The following TNN variants were observed in gnomAD, a reference collection of about 807,000 sequenced individuals.
The protein encoded by TNN is tenascin N, also known as tenascin-N.
In TNN, 122 loss-of-function variants were observed where a neutral mutation model predicts 134.4. The observed-to-expected ratio is 0.91, with a 90% CI of 0.78 to 1.06. The LOEUF (loss-of-function observed/expected upper bound fraction) is 1.06, where lower values mean the gene tolerates loss of function less well. TNN is among the 50% of genes least tolerant of loss of function. TNN has a pLI of 0.00. For missense variants in TNN, 1,739 were observed against 1,699.4 expected, an observed-to-expected ratio of 1.02 and a Z score of -0.41; for synonymous variants, 710 against 670.3, an observed-to-expected ratio of 1.06 and a Z score of -0.91.
At chr1:175,122,811 C>T (rs1366809496) in intron 11 of TNN, among the ~76,000 whole-genome samples, 1 of 152,156 alleles carries the variant, frequency 6.6e-6, no homozygotes, top group Non-Finnish European at 1.5e-5. Flanking sequence ...GATTCTAGAC[C>T]TTGCTTGTCT....
At position 175,083,852 on chromosome 1, in the gene TNN, G is replaced by T. The variant is rs766664939; in HGVS notation, c.1151G>T (p.Arg384Leu). 1 of 1,614,216 alleles carries T rather than the reference G, an allele frequency of 6.2e-7. No individual in the cohort carries two copies. The highest frequency in any genetic ancestry group is 8.5e-7 in the Non-Finnish European group (1 of 1,180,030). The change falls in exon 5 of 19, where the codon CGA becomes CTA. Residue 384 changes from arginine to leucine, a missense_variant. Physicochemically the swap from Arg to Leu is moderately radical, Grantham distance 102. Transcript: ENST00000239462. Reference sequence around the variant, plus strand: ...ACTGAGGTGGACTACTACAAGCTGCGATATGGCCCCATGACAGGACAGGAG... The same window carrying T: ...ACTGAGGTGGACTACTACAAGCTGCTATATGGCCCCATGACAGGACAGGAG... Reference protein sequence around the residue: ...PSTEVDYYKLRYGPMTGQEVA... With the variant: ...PSTEVDYYKLLYGPMTGQEVA...
At chr1:175,130,387 G>T (rs766246480) in intron 15 of TNN, among the ~76,000 whole-genome samples, 1 of 152,170 alleles carries the variant, frequency 6.6e-6, no homozygotes, top group Non-Finnish European at 1.5e-5. Context: ...GGAAATTCCC[G>T]ATTGATTTAT....
At chr1:175,125,693 T>C (rs1675494326) in intron 12 of TNN, among the ~76,000 whole-genome samples, 1 of 66,768 alleles carries the variant, frequency 1.5e-5, no homozygotes, top group Non-Finnish European at 3.2e-5. Context: ...TTTCTTTCTC[T>C]CTTTTTTCTC....
chr1:175,119,050 C>T (rs950740872), intron 11 of TNN, among the ~76,000 whole-genome samples: 2 of 152,306 alleles, frequency 1.3e-5, no homozygotes, highest in Middle Eastern at 3.4e-3. Context: ...AAAGGCGTCC[C>T]GATCCAGACC....
At chr1:175,078,335 G>C (rs1674104244) in intron 2 of TNN, among the ~76,000 whole-genome samples, 1 of 152,140 alleles carries the variant, frequency 6.6e-6, no homozygotes, top group Non-Finnish European at 1.5e-5. Context: ...CTGGCCCTTA[G>C]AGGAATTTAC....
chr1:175,123,333 T>G, intron 11 of TNN, 67 bp from the exon 12 acceptor site: 1 of 1,534,706 alleles, frequency 6.5e-7, no homozygotes, highest in Admixed American at 1.9e-5. Flanking sequence ...CTCCTGGTGA[T>G]GAGGTGGTAA....
intron 9 of TNN, among the ~76,000 whole-genome samples, chr1:175,100,206 G>T (rs1212652818): frequency 2.0e-5 from 3 of 152,202 alleles, no homozygotes; most frequent in Non-Finnish European, 2.9e-5. Context: ...CTATCTTGGG[G>T]TGGATAATTC....
intron 9 of TNN, among the ~76,000 whole-genome samples, chr1:175,104,398 G>A (rs1350938828): frequency 6.9e-6 from 1 of 145,810 alleles, no homozygotes; most frequent in African/African-American, 2.5e-5. Flanking sequence ...TTCATCCTCT[G>A]GGGCAGTGCA....
intron 1 of TNN, among the ~76,000 whole-genome samples, chr1:175,076,358 T>A (rs1309172558): frequency 2.0e-5 from 3 of 152,174 alleles, no homozygotes; most frequent in Admixed American, 6.5e-5. Context: ...TCCGCATGTG[T>A]GACAGTGCTC....
intron 15 of TNN, among the ~76,000 whole-genome samples, chr1:175,132,339 C>T (rs892590378): frequency 2.0e-5 from 3 of 152,156 alleles, no homozygotes; most frequent in Admixed American, 1.3e-4. Flanking sequence ...TCTGGATACT[C>T]GCTTTTCTGG....
At chr1:175,110,050 A>C (rs1403083322) in intron 9 of TNN, among the ~76,000 whole-genome samples, 1 of 152,142 alleles carries the variant, frequency 6.6e-6, no homozygotes, top group Non-Finnish European at 1.5e-5. Flanking sequence ...TAGCAGTTTT[A>C]ACAGGGATGA....
At chr1:175,069,598 T>A (rs1254931948) in intron 1 of TNN, among the ~76,000 whole-genome samples, 2 of 152,224 alleles carry the variant, frequency 1.3e-5, no homozygotes, top group Non-Finnish European at 2.9e-5. Context: ...GTCCATTCAC[T>A]GCTCATTCCA....
At chr1:175,095,708 G>T (rs1674554602) in intron 7 of TNN, among the ~76,000 whole-genome samples, 1 of 152,132 alleles carries the variant, frequency 6.6e-6, no homozygotes, top group Admixed American at 6.5e-5. Context: ...CAAGTAGCTG[G>T]GATTTCAGGC....
chr1:175,088,046 T>C (rs1269679763), intron 6 of TNN, among the ~76,000 whole-genome samples: 1 of 152,216 alleles, frequency 6.6e-6, no homozygotes, highest in Non-Finnish European at 1.5e-5. Context: ...AACCTCCACT[T>C]GTTCAGCAAC....
At chr1:175,087,053 T>G (rs1366664249) in intron 6 of TNN, among the ~76,000 whole-genome samples, 1 of 152,202 alleles carries the variant, frequency 6.6e-6, no homozygotes, top group South Asian at 2.1e-4. Context: ...GAGCTGGGAT[T>G]TGAACCCAGG....
At chr1:175,091,641 G>T (rs909967828) in intron 6 of TNN, among the ~76,000 whole-genome samples, 3 of 151,186 alleles carry the variant, frequency 2.0e-5, no homozygotes, top group Non-Finnish European at 4.4e-5. Context: ...CTAGGCTGGA[G>T]TGTGGTGCAT....
At position 175,097,475 on chromosome 1, in the gene TNN, C is replaced by T. The variant is rs113466114; in HGVS notation, c.1647C>T (p.Ile549=). ...TDRVTENTAT[I]SWDPVQATID... is the part of the protein sequence containing the mutation. The stretch of plus-strand genomic sequence containing the variant: ...GGGTGACTGAGAATACCGCCACCAT[C>T]TCCTGGGACCCGGTACAGGCCACCA... Residue 549 remains isoleucine, a synonymous_variant, in exon 8 of 19, where the codon ATC becomes ATT. Transcript: ENST00000239462. The T allele has an allele frequency of 5.9e-5, 95 of 1,614,236 alleles. 1 individual carries two copies. In the African/African-American group the frequency reaches 1.0e-3, roughly 18 times the overall value.
rs746981433 is a variant in TNN at position 175,117,112 on chromosome 1, A to T, written c.2293A>T (p.Thr765Ser). Residue 765 changes from threonine (T) to serine (S), a missense_variant, in exon 10 of 19, where the codon ACG becomes TCG. Coordinates refer to ENST00000239462, the MANE Select transcript of TNN (RefSeq NM_022093.2). The stretch of plus-strand genomic sequence containing the variant: ...GAAGGAGCAGAGTAGCACTGTCCTG[A>T]CGGGCCTGAGGCCGGGTGTGGAGTA... ...VGKEQSSTVL[T>S]GLRPGVEYTV... The T allele has an allele frequency of 1.2e-6, 2 of 1,614,232 alleles. No homozygotes were observed. The highest frequency in any genetic ancestry group is 1.7e-6 in the Non-Finnish European group (2 of 1,180,036).
At chr1:175,141,202 G>A (rs537786602) in intron 17 of TNN, among the ~76,000 whole-genome samples, 15 of 152,224 alleles carry the variant, frequency 9.9e-5, no homozygotes, top group African/African-American at 3.6e-4. Flanking sequence ...GTCTTCTAGT[G>A]GGGGCAGGGA....
Sources: allele counts gnomAD v4.1 joint callset (sites outside exome capture counted in the v4.1 genomes callset), GRCh38; gene constraint gnomAD v4.1.1; transcripts MANE v1.5; gene names NCBI Gene and HGNC (gene_info 2026-07-23, HGNC 2026-07-21).